Variants in TBC1D32 observed in about 807,000 individuals in gnomAD.
The protein encoded by TBC1D32 is protein broad-minded.
Under a neutral mutation model 170.3 loss-of-function variants are expected in TBC1D32, and 151 were observed. The observed-to-expected ratio is 0.89, with a 90% CI of 0.78 to 1.01. The LOEUF is 1.01. Among genes scored for constraint, TBC1D32 ranks in the 50% least tolerant of loss-of-function variants. TBC1D32 has a pLI of 0.00. For missense variants in TBC1D32, 1,464 were observed against 1,457.1 expected, an observed-to-expected ratio of 1.00 and a Z score of -0.08; for synonymous variants, 498 against 488.0, an observed-to-expected ratio of 1.02 and a Z score of -0.27.
rs372835365 is a variant in TBC1D32, at chr6:121,170,261, T to C, written c.2571-9205A>G. ...CATAATCTTTCTGTGACATTTACAC[T>C]TTAGCTGCTTTGTATTCTGTTATTT... On this transcript the variant is annotated intron_variant, in intron 22 of 31. Coordinates refer to ENST00000398212, the MANE Select transcript of TBC1D32 (RefSeq NM_152730.6). 3 of 846,400 alleles carry C rather than the reference T, an allele frequency of 3.5e-6. No individual in the cohort carries two copies. In the African/African-American group the frequency reaches 5.2e-5, roughly 15 times the overall value. 52.4% of individuals were successfully genotyped at this position (846,400 alleles called of 1,614,324 possible).
chr6:121,295,357 G>A (rs1223355105), intron 10 of TBC1D32, among the ~76,000 whole-genome samples: 4 of 149,976 alleles, frequency 2.7e-5, no homozygotes, highest in Non-Finnish European at 4.4e-5. Context: ...TAACAAGGCA[G>A]TTGTTGGTGA....
At chr6:121,183,300 A>G (rs1292171598) in intron 22 of TBC1D32, among the ~76,000 whole-genome samples, 1 of 152,104 alleles carries the variant, frequency 6.6e-6, no homozygotes, top group Non-Finnish European at 1.5e-5. Flanking sequence ...CACTATTATA[A>G]TTTTAAGGCT....
At chr6:121,254,744 T>C (rs77464792) in intron 17 of TBC1D32, among the ~76,000 whole-genome samples, 4,980 of 152,200 alleles carry the variant, frequency 0.033, 192 homozygotes, top group East Asian at 0.12. Flanking sequence ...TATGCCAATA[T>C]TTGATTATAA....
intron 26 of TBC1D32, among the ~76,000 whole-genome samples, chr6:121,116,024 T>C (rs1207225146): frequency 6.6e-6 from 1 of 152,100 alleles, no homozygotes; most frequent in African/African-American, 2.4e-5. Flanking sequence ...GCTGAAACTT[T>C]CAATTTCTGG....
intron 4 of TBC1D32, among the ~76,000 whole-genome samples, chr6:121,310,011 G>A (rs993950864): frequency 2.6e-5 from 4 of 151,568 alleles, no homozygotes; most frequent in African/African-American, 9.7e-5. Context: ...CTTCAGCCTG[G>A]GTGACAGAGT....
At chr6:121,154,690 A>G (rs890941084) in intron 24 of TBC1D32, among the ~76,000 whole-genome samples, 2 of 152,244 alleles carry the variant, frequency 1.3e-5, no homozygotes, top group Admixed American at 6.5e-5. Flanking sequence ...ACAAAAATTG[A>G]TAAGTGCAAC....
chr6:121,293,171 T>C (rs1478362780), intron 11 of TBC1D32, among the ~76,000 whole-genome samples: 1 of 151,568 alleles, frequency 6.6e-6, no homozygotes, highest in Non-Finnish European at 1.5e-5. Flanking sequence ...CTGAGGTCTT[T>C]AGTAGATAGA....
chr6:121,274,272 G>A (rs1801928183), intron 15 of TBC1D32, among the ~76,000 whole-genome samples: 1 of 152,004 alleles, frequency 6.6e-6, no homozygotes, highest in East Asian at 1.9e-4. Context: ...GGCGGAGGTT[G>A]CAGTGAGCCA....
chr6:121,318,306 A>G (rs1809212954), intron 2 of TBC1D32, among the ~76,000 whole-genome samples: 1 of 152,086 alleles, frequency 6.6e-6, no homozygotes, highest in Non-Finnish European at 1.5e-5. Context: ...CTCTTTCGGA[A>G]GGTCTAAAAA....
chr6:121,136,613 A>G (rs1782110413), intron 24 of TBC1D32, among the ~76,000 whole-genome samples: 1 of 152,162 alleles, frequency 6.6e-6, no homozygotes, highest in African/African-American at 2.4e-5. Context: ...GACTTATAGT[A>G]ACGAAAAAAA....
intron 14 of TBC1D32, 141 bp downstream of exon 14, chr6:121,281,403 A>C (rs979998393): frequency 1.9e-6 from 1 of 520,340 alleles, no homozygotes; most frequent in Non-Finnish European, 3.2e-6. Flanking sequence ...ATAATAAATA[A>C]AAATATATAT....
intron 3 of TBC1D32, among the ~76,000 whole-genome samples, chr6:121,312,656 C>T: frequency 6.6e-6 from 1 of 152,196 alleles, no homozygotes; most frequent in East Asian, 1.9e-4. Context: ...ATTCCTACAA[C>T]AGAAAGTCCA....
Position 121,322,951 on chromosome 6 carries a change from C to T in TBC1D32, c.156-1157G>A, listed in dbSNP as rs527497285. Among the ~76,000 whole-genome samples the T allele has an allele frequency of 7.2e-5, 11 of 152,108 alleles. No individual in the cohort carries two copies. The East Asian group carries it at 1.5e-3, about 21-fold the overall frequency. On this transcript the variant is annotated intron_variant, in intron 1 of 31. Transcript: ENST00000398212. ...TAATTATACCCCCCATATATGGCCT[C>T]TTATCCTTCCTATAATTCGCCTATA...
intron 15 of TBC1D32, among the ~76,000 whole-genome samples, chr6:121,267,087 A>T (rs1192207830): frequency 6.6e-6 from 1 of 151,646 alleles, no homozygotes; most frequent in African/African-American, 2.4e-5. Context: ...TTAAAAAAAA[A>T]AAAAAAAGAA....
Position 121,256,254 on chromosome 6 carries a change from A to C in TBC1D32, c.1765T>G (p.Ser589Ala). 1.2e-6 allele frequency: 2 copies of C among 1,613,544 alleles called. No individual in the cohort carries two copies. Among genetic ancestry groups the C allele is most frequent in the South Asian group, 2.2e-5 (2 of 90,986 alleles). Reference protein sequence around the residue: ...PTGAHIIAQFSKKLLDEDISI... With the variant: ...PTGAHIIAQFAKKLLDEDISI... Reference sequence around the variant, plus strand: ...ATATCTTCATCGAGAAGTTTTTTCGAAAACTGGGCAATTATATGAGCACCT... The same window carrying C: ...ATATCTTCATCGAGAAGTTTTTTCGCAAACTGGGCAATTATATGAGCACCT... The change falls in exon 16 of 32, where the codon TCG becomes GCG. Residue 589 changes from serine to alanine, a missense_variant. Coordinates refer to ENST00000398212, the MANE Select transcript of TBC1D32 (RefSeq NM_152730.6).
intron 24 of TBC1D32, among the ~76,000 whole-genome samples, chr6:121,135,470 T>A (rs1032770497): frequency 6.6e-6 from 1 of 152,124 alleles, no homozygotes; most frequent in Non-Finnish European, 1.5e-5. Flanking sequence ...AGGACTGTAA[T>A]GTCTGAGAAA....
At position 121,161,076 on chromosome 6, in the gene TBC1D32, A is replaced by G. The variant is rs762715537; in HGVS notation, c.2571-20T>C. 36 of 1,543,066 alleles carry G rather than the reference A, an allele frequency of 2.3e-5. No homozygotes were observed. Among genetic ancestry groups the G allele is most frequent in the Non-Finnish European group, 2.5e-5 (28 of 1,122,152 alleles). ...AAGTCCCTGAAAAAATAAATATATC[A>G]CCTTTGTCATCCTTTTGATTGAATA... On this transcript the variant is annotated intron_variant, in intron 22 of 31. Coordinates refer to ENST00000398212, the MANE Select transcript of TBC1D32 (RefSeq NM_152730.6).
At chr6:121,202,874 C>T (rs1791771216) in intron 22 of TBC1D32, among the ~76,000 whole-genome samples, 1 of 151,370 alleles carries the variant, frequency 6.6e-6, no homozygotes, top group Admixed American at 6.6e-5. Context: ...GTTCACGCCA[C>T]ATTTCACTAA....
intron 26 of TBC1D32, chr6:121,115,507 TG>T (rs1168303534): frequency 3.8e-6 from 1 of 260,892 alleles, no homozygotes; most frequent in Admixed American, 5.3e-5. Context: ...CTATTTTACT[TG>T]GCTCTCAGAA....
Sources: allele counts gnomAD v4.1 joint callset (sites outside exome capture counted in the v4.1 genomes callset), GRCh38; gene constraint gnomAD v4.1.1; transcripts MANE v1.5; gene names NCBI Gene and HGNC (gene_info 2026-07-23, HGNC 2026-07-21).